The following SPAG16 variants were observed in gnomAD, a reference collection of about 807,000 sequenced individuals.
SPAG16 encodes the protein sperm-associated antigen 16 protein.
Under a neutral mutation model 80.4 loss-of-function variants are expected in SPAG16, and 86 were observed. The observed-to-expected ratio is 1.07, with a 90% CI of 0.90 to 1.28. The LOEUF (loss-of-function observed/expected upper bound fraction) is 1.28, where lower values mean the gene tolerates loss of function less well. Ranked by LOEUF, SPAG16 falls within the 50% of genes most tolerant of loss-of-function variation. The pLI is 0.00. For synonymous variants in SPAG16, 294 were observed against 265.9 expected (o/e 1.11, Z -1.03); for missense variants, 870 against 765.3 (o/e 1.14, Z -1.61).
intron 13 of SPAG16, among the ~76,000 whole-genome samples, chr2:214,019,837 G>C (rs1294954810): frequency 2.0e-5 from 3 of 152,112 alleles, no homozygotes; most frequent in Non-Finnish European, 2.9e-5. Context: ...CTAGGTTCTC[G>C]AGAGGTGACT....
At chr2:213,735,194 C>G (rs1377368201) in intron 10 of SPAG16, among the ~76,000 whole-genome samples, 1 of 152,036 alleles carries the variant, frequency 6.6e-6, no homozygotes, top group Non-Finnish European at 1.5e-5. Context: ...TATAAATCAC[C>G]AAACTAAATA....
chr2:214,250,747 TATATATATATAGAGAGAG>T (rs1236702772), intron 15 of SPAG16, among the ~76,000 whole-genome samples: 5 of 90,428 alleles, frequency 5.5e-5, no homozygotes, highest in South Asian at 4.1e-4. Flanking sequence ...TATATATATA[TATATATATATAGAGAGAG>T]AGAGAGAGAG....
intron 5 of SPAG16, among the ~76,000 whole-genome samples, chr2:213,334,963 G>T (rs2064279251): frequency 1.3e-5 from 2 of 152,108 alleles, no homozygotes; most frequent in African/African-American, 2.4e-5. Flanking sequence ...TCGATTTTTT[G>T]TAACAGGATA....
chr2:213,752,944 T>G (rs1328543663), intron 10 of SPAG16, among the ~76,000 whole-genome samples: 1 of 152,208 alleles, frequency 6.6e-6, no homozygotes, highest in Non-Finnish European at 1.5e-5. Flanking sequence ...CCCTAAATAT[T>G]TTACATGTAT....
chr2:213,799,019 T>C (rs991776905), intron 10 of SPAG16, among the ~76,000 whole-genome samples: 1 of 152,202 alleles, frequency 6.6e-6, no homozygotes, highest in African/African-American at 2.4e-5. Context: ...TTCCTCCAAA[T>C]TTGTTATTTT....
chr2:214,100,493 A>G (rs867950364), intron 13 of SPAG16, among the ~76,000 whole-genome samples: 1 of 152,064 alleles, frequency 6.6e-6, no homozygotes, highest in East Asian at 1.9e-4. Context: ...TGTAATACGC[A>G]TAGTACCTGA....
intron 11 of SPAG16, among the ~76,000 whole-genome samples, chr2:213,876,176 A>C (rs369145880): frequency 4.3e-4 from 65 of 152,226 alleles, no homozygotes; most frequent in African/African-American, 1.5e-3. Context: ...AATGACATTA[A>C]ATTTTTTAAA....
intron 12 of SPAG16, among the ~76,000 whole-genome samples, chr2:213,969,476 T>G (rs1055024828): frequency 6.6e-5 from 10 of 152,180 alleles, no homozygotes; most frequent in African/African-American, 2.2e-4. Context: ...GATTAAGTCA[T>G]GGAGGCTCCT....
At chr2:214,001,149 T>C (rs570411000) in intron 12 of SPAG16, among the ~76,000 whole-genome samples, 1 of 152,228 alleles carries the variant, frequency 6.6e-6, no homozygotes, top group East Asian at 1.9e-4. Context: ...TTAGAAGAGG[T>C]TTTTGAATTT....
chr2:213,527,204 T>G (rs555015678), intron 10 of SPAG16, among the ~76,000 whole-genome samples: 1 of 152,358 alleles, frequency 6.6e-6, no homozygotes, highest in South Asian at 2.1e-4. Flanking sequence ...TCTACCAGTC[T>G]GCCTGTTTTC....
Position 213,913,594 on chromosome 2 carries a change from T to TATATGTACATGTACATATAC in SPAG16, c.1215-16366_1215-16365insATATGTACATGTACATATAC, listed in dbSNP as rs1559581267. ...GTATATATATGTACATGTACATATA[T>TATATGTACATGTACATATAC]GTATATGTACATGTACATATATGTA... On this transcript the variant is annotated intron_variant, in intron 11 of 15. Coordinates refer to ENST00000331683, the MANE Select transcript of SPAG16 (RefSeq NM_024532.5). Among the ~76,000 whole-genome samples, 32 of 7,214 alleles carry TATATGTACATGTACATATAC rather than the reference T, an allele frequency of 4.4e-3. 3 individuals are homozygous for TATATGTACATGTACATATAC. Among genetic ancestry groups the TATATGTACATGTACATATAC allele is most frequent in the African/African-American group, 6.0e-3 (31 of 5,172 alleles). 4.7% of individuals were successfully genotyped at this position (7,214 alleles called of 152,430 possible). A position where few individuals can be genotyped will look rare whatever the true frequency, so the allele number is the denominator to read the frequency against.
chr2:213,585,679 A>ATT (rs541231996), intron 10 of SPAG16, among the ~76,000 whole-genome samples: 1 of 151,862 alleles, frequency 6.6e-6, no homozygotes, highest in Non-Finnish European at 1.5e-5. Flanking sequence ...CATAGCAAGC[A>ATT]TTTTTTTTGC....
chr2:214,170,660 C>G (rs2056841894), intron 15 of SPAG16, among the ~76,000 whole-genome samples: 1 of 152,004 alleles, frequency 6.6e-6, no homozygotes, highest in African/African-American at 2.4e-5. Flanking sequence ...CAGGATATCG[C>G]AAGTACTGAT....
At chr2:213,444,687 G>A (rs1363869024) in intron 9 of SPAG16, among the ~76,000 whole-genome samples, 1 of 151,184 alleles carries the variant, frequency 6.6e-6, no homozygotes, top group Non-Finnish European at 1.5e-5. Flanking sequence ...AGTTTTTATT[G>A]TAGCAATTTT....
chr2:214,150,790 T>A (rs1456204441), intron 15 of SPAG16, among the ~76,000 whole-genome samples: 1 of 151,538 alleles, frequency 6.6e-6, no homozygotes, highest in Non-Finnish European at 1.5e-5. Flanking sequence ...CTCTTTGCCA[T>A]CCTTGTCATC....
rs946299523 is a variant in SPAG16 at position 213,333,086 on chromosome 2, A to G, written c.537-7077A>G. On this transcript the variant is annotated intron_variant, in intron 5 of 15. Coordinates refer to ENST00000331683, the MANE Select transcript of SPAG16 (RefSeq NM_024532.5). The stretch of plus-strand genomic sequence containing the variant: ...AAAGTCAAATTATCCTTGTTTGCAG[A>G]TGATATGATCTTATATTTGGAAAAA... Among the ~76,000 whole-genome samples, 5 of 152,162 alleles carry G rather than the reference A, an allele frequency of 3.3e-5. No homozygotes were observed. The East Asian group carries it at 7.7e-4, about 23-fold the overall frequency.
chr2:213,592,557 AC>A (rs1438003783), intron 10 of SPAG16, among the ~76,000 whole-genome samples: 1 of 152,220 alleles, frequency 6.6e-6, no homozygotes, highest in Non-Finnish European at 1.5e-5. Context: ...TATCTAAAAA[AC>A]ATCCCGCAAT....
intron 11 of SPAG16, among the ~76,000 whole-genome samples, chr2:213,868,389 C>T (rs893947614): frequency 6.6e-6 from 1 of 151,990 alleles, no homozygotes. Context: ...GTTGAACTTC[C>T]TTATCCACAG....
intron 12 of SPAG16, among the ~76,000 whole-genome samples, chr2:213,981,755 A>G (rs1024962677): frequency 3.9e-5 from 6 of 152,032 alleles, no homozygotes; most frequent in Non-Finnish European, 7.4e-5. Flanking sequence ...CCACTGATAT[A>G]TTGTGGTAGA....
Sources: allele counts gnomAD v4.1 joint callset (sites outside exome capture counted in the v4.1 genomes callset), GRCh38; gene constraint gnomAD v4.1.1; transcripts MANE v1.5; gene names NCBI Gene and HGNC (gene_info 2026-07-23, HGNC 2026-07-21).